Variants in EFNA5 observed in about 807,000 individuals in gnomAD.
The protein encoded by EFNA5 is ephrin-A5.
Under a neutral mutation model 22.9 loss-of-function variants are expected in EFNA5, and 5 were observed. The observed-to-expected ratio is 0.22, with a 90% confidence interval of 0.11 to 0.46. The LOEUF (loss-of-function observed/expected upper bound fraction) is 0.46. Among genes scored for constraint, EFNA5 ranks in the 20% least tolerant of loss-of-function variants. The probability of loss-of-function intolerance (pLI) is 0.99; values close to 1 mark genes in which losing one functional copy is unlikely to be tolerated. For missense variants in EFNA5, 237 were observed against 293.3 expected (o/e 0.81, Z 1.40); for synonymous variants, 113 against 112.2 (o/e 1.01, Z -0.04).
intron 1 of EFNA5, among the ~76,000 whole-genome samples, chr5:107,588,106 T>C (rs138172118): frequency 6.6e-6 from 1 of 152,252 alleles, no homozygotes; most frequent in African/African-American, 2.4e-5. Context: ...ATGTAATAAC[T>C]CATACAAAAA....
chr5:107,389,742 A>G (rs546982535), intron 2 of EFNA5, among the ~76,000 whole-genome samples: 49 of 152,312 alleles, frequency 3.2e-4, no homozygotes, highest in Admixed American at 1.8e-3. Context: ...AAAACTGGAG[A>G]GTTCTCTCCA....
chr5:107,651,714 T>A (rs1350489720), intron 1 of EFNA5, among the ~76,000 whole-genome samples: 2 of 151,872 alleles, frequency 1.3e-5, no homozygotes, highest in Non-Finnish European at 2.9e-5. Context: ...AATCCACATG[T>A]CAGGGAAACA....
intron 1 of EFNA5, among the ~76,000 whole-genome samples, chr5:107,480,790 T>C (rs75858890): frequency 0.013 from 1,928 of 152,210 alleles, 45 homozygotes; most frequent in African/African-American, 0.045. Flanking sequence ...TCCAAAGGCC[T>C]TGTACTGGGA....
At chr5:107,448,882 A>G (rs902351502) in intron 1 of EFNA5, among the ~76,000 whole-genome samples, 6 of 150,904 alleles carry the variant, frequency 4.0e-5, no homozygotes, top group African/African-American at 1.5e-4. Context: ...AAATAAAATA[A>G]AAACAAAAAT....
chr5:107,388,089 C>G (rs1747683482), intron 2 of EFNA5, among the ~76,000 whole-genome samples: 1 of 152,156 alleles, frequency 6.6e-6, no homozygotes, highest in South Asian at 2.1e-4. Flanking sequence ...TCAATTTTCT[C>G]TAAATCGAGA....
rs59824895 is a variant in EFNA5 at position 107,516,174 on chromosome 5, T to TTGTGTGTGTGTGTGTGTG, written c.126-88683_126-88666dup. On this transcript the variant is annotated intron_variant, in intron 1 of 4. Coordinates refer to ENST00000333274, the MANE Select transcript of EFNA5 (RefSeq NM_001962.3). Reference sequence around the variant, plus strand: ...TGGGCACCACAATGCCTGGCTAGTTTTGTGTGTGTGTGTGTGTGTGTGTGT... The same window carrying TTGTGTGTGTGTGTGTGTG: ...TGGGCACCACAATGCCTGGCTAGTTTTGTGTGTGTGTGTGTGTGTGTGTGTGTGTGTGTGTGTGTGTGT... Among the ~76,000 whole-genome samples the TTGTGTGTGTGTGTGTGTG allele has an allele frequency of 1.7e-3, 243 of 139,600 alleles. 1 individual carries two copies. The highest frequency in any genetic ancestry group is 7.3e-3 in the Middle Eastern group (2 of 274). 91.6% of individuals were successfully genotyped at this position (139,600 alleles called of 152,430 possible).
intron 1 of EFNA5, among the ~76,000 whole-genome samples, chr5:107,649,103 C>G (rs527306919): frequency 6.6e-6 from 1 of 152,194 alleles, no homozygotes; most frequent in Non-Finnish European, 1.5e-5. Flanking sequence ...TAAATAGTGT[C>G]AAGGCCTTAC....
intron 1 of EFNA5, among the ~76,000 whole-genome samples, chr5:107,560,395 CT>C (rs1748510949): frequency 6.6e-6 from 1 of 152,168 alleles, no homozygotes; most frequent in Admixed American, 6.5e-5. Context: ...GAAATTTCCT[CT>C]TCTAGTTAGG....
chr5:107,433,434 G>A (rs1381006264), intron 1 of EFNA5, among the ~76,000 whole-genome samples: 1 of 152,152 alleles, frequency 6.6e-6, no homozygotes, highest in Non-Finnish European at 1.5e-5. Flanking sequence ...TGGAGCATTG[G>A]ATAAAAAGCA....
chr5:107,435,339 C>CTTTTTTTTTTTTTTTTT (rs1209140672), intron 1 of EFNA5, among the ~76,000 whole-genome samples: 72 of 56,812 alleles, frequency 1.3e-3, no homozygotes, highest in African/African-American at 4.3e-3. Context: ...TTTTTTTTTG[C>CTTTTTTTTTTTTTTTTT]TTTTCTGTGG....
rs574420743 is a variant in EFNA5 at position 107,639,997 on chromosome 5, G to T, written c.125+30492C>A. Among the ~76,000 whole-genome samples, 7 of 152,272 alleles carry T rather than the reference G, an allele frequency of 4.6e-5. No individual in the cohort carries two copies. The South Asian group carries it at 1.2e-3, about 27-fold the overall frequency. The stretch of plus-strand genomic sequence containing the variant: ...TTATGAAAAACTGAAAACAATATAG[G>T]TGTCTAACAATAAGGAACAGTAGGT... On this transcript the variant is annotated intron_variant, in intron 1 of 4. Coordinates refer to ENST00000333274, the MANE Select transcript of EFNA5 (RefSeq NM_001962.3).
intron 1 of EFNA5, among the ~76,000 whole-genome samples, chr5:107,522,612 G>A (rs1039273956): frequency 1.3e-5 from 2 of 152,138 alleles, no homozygotes; most frequent in East Asian, 1.9e-4. Flanking sequence ...GATCTCACTT[G>A]AGGTCGACGT....
At chr5:107,409,225 A>G (rs944894047) in intron 2 of EFNA5, among the ~76,000 whole-genome samples, 1 of 152,236 alleles carries the variant, frequency 6.6e-6, no homozygotes, top group Non-Finnish European at 1.5e-5. Context: ...TCTTTGGATC[A>G]CCAGCGCTAG....
chr5:107,526,492 G>A (rs527795893), intron 1 of EFNA5, among the ~76,000 whole-genome samples: 3 of 152,288 alleles, frequency 2.0e-5, no homozygotes, highest in East Asian at 1.9e-4. Context: ...GTCTGAACAT[G>A]GCCACCCTCT....
At chr5:107,411,157 G>T (rs1443148173) in intron 2 of EFNA5, among the ~76,000 whole-genome samples, 1 of 152,054 alleles carries the variant, frequency 6.6e-6, no homozygotes. Flanking sequence ...GTGGTAAATT[G>T]ACCTCTGCCC....
intron 1 of EFNA5, among the ~76,000 whole-genome samples, chr5:107,436,662 A>G (rs1470395168): frequency 6.6e-6 from 1 of 152,120 alleles, no homozygotes; most frequent in Admixed American, 6.6e-5. Flanking sequence ...CTTCAAGCAC[A>G]TGAAGCAGAG....
intron 2 of EFNA5, among the ~76,000 whole-genome samples, chr5:107,410,268 G>A (rs1365939190): frequency 1.3e-5 from 2 of 151,992 alleles, no homozygotes; most frequent in African/African-American, 2.4e-5. Context: ...CTGATCTTGT[G>A]ATCTGCCTGC....
At chr5:107,427,884 T>C (rs1242186442) in intron 1 of EFNA5, among the ~76,000 whole-genome samples, 1 of 152,176 alleles carries the variant, frequency 6.6e-6, no homozygotes, top group African/African-American at 2.4e-5. Context: ...TTTTTATATT[T>C]TTATAATAGT....
chr5:107,583,991 G>A (rs1749126948), intron 1 of EFNA5, among the ~76,000 whole-genome samples: 1 of 152,100 alleles, frequency 6.6e-6, no homozygotes, highest in Non-Finnish European at 1.5e-5. Context: ...CTAGTTCATA[G>A]TTCCAGAAGA....
Sources: gnomAD v4.1 joint callset for allele counts (sites outside exome capture counted in the v4.1 genomes callset) on GRCh38, gnomAD v4.1.1 for gene constraint, MANE v1.5 for transcripts, NCBI Gene and HGNC (gene_info 2026-07-23, HGNC 2026-07-21) for gene names.